Variants in ADAM28 observed in about 807,000 individuals in gnomAD.
ADAM28 encodes the protein ADAM metallopeptidase domain 28, also known as disintegrin and metalloproteinase domain-containing protein 28.
In ADAM28, 105 loss-of-function variants were observed where a neutral mutation model predicts 101.2. The ratio of observed to expected loss-of-function variants is 1.04; its 90% CI spans 0.89 to 1.22. The LOEUF is 1.22. ADAM28 is among the 50% of genes most tolerant of loss of function. ADAM28 has a pLI of 0.00. For synonymous variants in ADAM28, 322 were observed against 310.6 expected (o/e 1.04, Z -0.39); for missense variants, 1,028 against 945.4 (o/e 1.09, Z -1.15).
chr8:24,325,870 G>GAAAAAAAA (rs1255708868), intron 9 of ADAM28, among the ~76,000 whole-genome samples: 5 of 1,796 alleles, frequency 2.8e-3, no homozygotes, highest in Admixed American at 9.8e-3. Flanking sequence ...TGTACAGATA[G>GAAAAAAAA]CAAAAAAAAA....
intron 10 of ADAM28, among the ~76,000 whole-genome samples, chr8:24,327,029 T>A (rs1812710577): frequency 6.6e-6 from 1 of 152,032 alleles, no homozygotes; most frequent in South Asian, 2.1e-4. Flanking sequence ...TAACATAGTA[T>A]TGGAAGTTCT....
intron 21 of ADAM28, among the ~76,000 whole-genome samples, chr8:24,352,308 G>T (rs1816254880): frequency 6.6e-6 from 1 of 152,144 alleles, no homozygotes; most frequent in African/African-American, 2.4e-5. Context: ...ATCAGCTCAG[G>T]CTGCTGTAAC....
chr8:24,304,024 C>T (rs1450773586), intron 2 of ADAM28, among the ~76,000 whole-genome samples: 3 of 151,280 alleles, frequency 2.0e-5, no homozygotes, highest in Admixed American at 6.6e-5. Flanking sequence ...CCAAGAAAAC[C>T]CAACATTTAC....
Position 24,344,175 on chromosome 8 carries a change from G to A in ADAM28, c.1990+591G>A, listed in dbSNP as rs144621294. 2.7e-3 allele frequency among the ~76,000 whole-genome samples: 409 copies of A among 152,280 alleles called. 4 individuals are homozygous for A. Among genetic ancestry groups the A allele is most frequent in the African/African-American group, 9.4e-3 (391 of 41,542 alleles). On this transcript the variant is annotated intron_variant, in intron 18 of 22. Transcript: ENST00000265769. ...TGGCTGGGAGCTCTATGGGCAGGTA[G>A]GCAGGTCTGCCTATAGGTCTTCAGG... is the stretch of plus-strand genomic sequence containing the variant.
At chr8:24,294,663 CATT>C (rs1384938286) in intron 1 of ADAM28, among the ~76,000 whole-genome samples, 2 of 151,946 alleles carry the variant, frequency 1.3e-5, no homozygotes, top group Non-Finnish European at 2.9e-5. Context: ...TGTATTTACT[CATT>C]ATTAGTAATA....
chr8:24,314,832 G>A (rs1030310673), intron 6 of ADAM28, among the ~76,000 whole-genome samples: 1 of 150,996 alleles, frequency 6.6e-6, no homozygotes, highest in Non-Finnish European at 1.5e-5. Context: ...TAAAAGTCTA[G>A]AGTTTTTATA....
At chr8:24,311,299 GGCT>G in intron 4 of ADAM28, 59 bp from the exon 5 acceptor site, 1 of 1,282,562 alleles carries the variant, frequency 7.8e-7, no homozygotes, top group Non-Finnish European at 1.1e-6. Context: ...TTTCAGATGC[GGCT>G]TTAGCAGCGG....
At position 24,321,513 on chromosome 8, in the gene ADAM28, G is replaced by T. The variant is rs1811876782; in HGVS notation, c.720+224G>T. On this transcript the variant is annotated intron_variant, in intron 8 of 22. Transcript: ENST00000265769. The stretch of plus-strand genomic sequence containing the variant: ...TATTTACCTGCCACAGTATTCTCAG[G>T]TATAAGAAGACATAAAAGCTACATG... The T allele has an allele frequency of 9.6e-6, 5 of 523,404 alleles. No individual in the cohort carries two copies. The South Asian group carries it at 1.0e-4, about 11-fold the overall frequency. The allele number at this position is 523,404 out of a possible 1,614,324, so 32.4% of individuals were successfully genotyped here.
chr8:24,336,075 G>A (rs1472277750), intron 14 of ADAM28: 2 of 990,854 alleles, frequency 2.0e-6, no homozygotes, highest in African/African-American at 3.5e-5. Context: ...GGTGGCAGAA[G>A]TACTGTGGGA....
At chr8:24,353,916 A>AAAAACTTACTAAGAACAGTATCTGTATG (rs1816473039) in intron 22 of ADAM28, 84 bp downstream of exon 22, 2 of 961,740 alleles carry the variant, frequency 2.1e-6, no homozygotes, top group African/African-American at 3.3e-5. Context: ...CTTTTTAGAA[A>AAAAACTTACTAAGAACAGTATCTGTATG]AAAACTTACT....
chr8:24,329,200 T>C (rs572014747), intron 10 of ADAM28, among the ~76,000 whole-genome samples: 1 of 152,108 alleles, frequency 6.6e-6, no homozygotes, highest in African/African-American at 2.4e-5. Context: ...TGTGTCTAGG[T>C]ATCAACTTCC....
At chr8:24,329,926 G>C (rs1224059827) in intron 10 of ADAM28, 59 bp from the exon 11 acceptor site, 32 of 1,523,168 alleles carry the variant, frequency 2.1e-5, no homozygotes, top group Admixed American at 1.8e-5. Flanking sequence ...ATGGCAAGTA[G>C]AGTGATGTAT....
At chr8:24,310,509 G>A (rs1810311979) in intron 4 of ADAM28, 1 of 320,468 alleles carries the variant, frequency 3.1e-6, no homozygotes, top group South Asian at 4.5e-5. Flanking sequence ...ATTTTCTTGA[G>A]AGTGAAGAGT....
At chr8:24,325,467 T>C (rs1048061379) in intron 9 of ADAM28, among the ~76,000 whole-genome samples, 8 of 151,820 alleles carry the variant, frequency 5.3e-5, no homozygotes, top group Non-Finnish European at 1.0e-4. Flanking sequence ...TAAACCAAAA[T>C]ATATAACTCC....
chr8:24,333,713 G>A (rs111375631), intron 13 of ADAM28, among the ~76,000 whole-genome samples: 2,163 of 151,826 alleles, frequency 0.014, 54 homozygotes, highest in African/African-American at 0.049. Flanking sequence ...GTAGTGTGGG[G>A]GTATCCCCAT....
Position 24,343,155 on chromosome 8 carries a change from T to C in ADAM28, c.1885T>C (p.Cys629Arg). 1 of 1,613,866 alleles carries C rather than the reference T, an allele frequency of 6.2e-7. No individual in the cohort carries two copies. The highest frequency in any genetic ancestry group is 8.5e-7 in the Non-Finnish European group (1 of 1,179,810). ...TGAGAAAGCCTACAAATCAACCAAT[T>C]GCTCATCTAAGTGCAAAGGACATGC... The part of the protein sequence containing the change: ...DIEKAYKSTN[C>R]SSKCKGHAVC... The change falls in exon 17 of 23, where the codon TGC (cysteine) becomes CGC (arginine). Residue 629 changes from cysteine to arginine, a missense_variant. Transcript: ENST00000265769.
intron 20 of ADAM28, 96 bp from the exon 21 acceptor site, chr8:24,351,891 G>A: frequency 8.1e-7 from 1 of 1,235,900 alleles, no homozygotes; most frequent in East Asian, 2.4e-5. Flanking sequence ...TTAGTTCCAA[G>A]CTTCCATGCC....
Position 24,343,194 on chromosome 8 carries a change from A to C in ADAM28, c.1911+13A>C. On this transcript the variant is annotated intron_variant, in intron 17 of 22. Transcript: ENST00000265769. ...CAAAGGACATGCTGTAAGTTCTGAA[A>C]ATATGTTTCCCTAAGCTCTCTGAAT... 1 of 1,612,608 alleles carries C rather than the reference A, an allele frequency of 6.2e-7. No individual in the cohort carries two copies. Among genetic ancestry groups the C allele is most frequent in the Non-Finnish European group, 8.5e-7 (1 of 1,178,734 alleles).
rs138100266 is a variant in ADAM28 at position 24,327,740 on chromosome 8, A to G, written c.972+1105A>G. ...GCCTCAGAAATAATACTACACATCT[A>G]CAACCATCTGATCTTTGACAAACCT... On this transcript the variant is annotated intron_variant, in intron 10 of 22. Coordinates refer to ENST00000265769, the MANE Select transcript of ADAM28 (RefSeq NM_014265.6). 2.4e-3 allele frequency among the ~76,000 whole-genome samples: 372 copies of G among 152,236 alleles called. 1 individual carries two copies. Among genetic ancestry groups the G allele is most frequent in the Middle Eastern group, 0.01 (3 of 294 alleles).
Sources: allele counts gnomAD v4.1 joint callset (sites outside exome capture counted in the v4.1 genomes callset), GRCh38; gene constraint gnomAD v4.1.1; transcripts MANE v1.5; gene names NCBI Gene and HGNC (gene_info 2026-07-23, HGNC 2026-07-21).